ASIC2: variants seen among roughly 807,000 people sequenced by gnomAD.
ASIC2 encodes the protein acid-sensing ion channel 2.
ASIC2 carries 25 observed loss-of-function variants against 57.3 expected under a neutral mutation model. That is an observed-to-expected ratio of 0.44 (90% confidence interval 0.32 to 0.61). The LOEUF is 0.61. Ranked by LOEUF, ASIC2 falls within the 20% of genes least tolerant of loss-of-function variation. The probability of loss-of-function intolerance (pLI) is 0.06; values close to 1 mark genes in which losing one functional copy is unlikely to be tolerated. For synonymous variants in ASIC2, 319 were observed against 307.5 expected (o/e 1.04, Z -0.39); for missense variants, 641 against 738.1 (o/e 0.87, Z 1.52).
intron 1 of ASIC2, among the ~76,000 whole-genome samples, chr17:33,274,763 T>G (rs774618550): frequency 1.7e-4 from 26 of 152,198 alleles, no homozygotes; most frequent in Non-Finnish European, 3.4e-4. Context: ...TCCTGACTTA[T>G]GATCTCCCTT....
intron 1 of ASIC2, among the ~76,000 whole-genome samples, chr17:33,252,666 T>C (rs977699625): frequency 6.6e-6 from 1 of 152,064 alleles, no homozygotes; most frequent in Admixed American, 6.6e-5. Flanking sequence ...GTTCTTGAAC[T>C]ACCTGATCTC....
At chr17:33,379,110 C>T (rs1183697778) in intron 1 of ASIC2, among the ~76,000 whole-genome samples, 1 of 152,144 alleles carries the variant, frequency 6.6e-6, no homozygotes, top group African/African-American at 2.4e-5. Context: ...CAGTTAGTGA[C>T]TGGAGCAGAG....
In ASIC2 at chr17:33,218,519, T is replaced by C. The variant is rs539245902; in HGVS notation, c.708+72889A>G. On this transcript the variant is annotated intron_variant, in intron 1 of 9. Transcript: ENST00000225823. ...TAACTCCTGCCTTGAAGGACTGCAATAGAGATGCAGAAGAGAATATGCCAA... is the reference window on the plus strand; with the variant it reads ...TAACTCCTGCCTTGAAGGACTGCAACAGAGATGCAGAAGAGAATATGCCAA... 5.9e-5 allele frequency among the ~76,000 whole-genome samples: 9 copies of C among 151,890 alleles called. 1 individual carries two copies. Among genetic ancestry groups the C allele is most frequent in the African/African-American group, 2.2e-4 (9 of 41,390 alleles).
At chr17:33,599,293 AAC>A (rs1386422419) in intron 1 of ASIC2, among the ~76,000 whole-genome samples, 3 of 152,186 alleles carry the variant, frequency 2.0e-5, no homozygotes, top group African/African-American at 7.2e-5. Context: ...TCTTGCCCTC[AAC>A]ACACAACCCT....
intron 1 of ASIC2, among the ~76,000 whole-genome samples, chr17:33,452,324 A>G (rs1310112241): frequency 6.6e-6 from 1 of 152,228 alleles, no homozygotes; most frequent in Non-Finnish European, 1.5e-5. Context: ...TGGGTATGGT[A>G]ATATCTATCT....
At chr17:34,120,883 C>T (rs573287340) in intron 1 of ASIC2, among the ~76,000 whole-genome samples, 51 of 151,164 alleles carry the variant, frequency 3.4e-4, no homozygotes, top group African/African-American at 4.9e-4. Context: ...AGATTATAGG[C>T]GCCTGCCACC....
rs71286247 is a variant in ASIC2, at chr17:34,096,856, CAAAAAAAAAAAAAAA to C, written c.555+59107_555+59121del. ...TGGGTGACAGGGTGAGACTCCATCT[CAAAAAAAAAAAAAAA>C]AAAAAAAAAAAAAAGTAGATAGGAC... On this transcript the variant is annotated intron_variant, in intron 1 of 9. Coordinates refer to the ASIC2 transcript ENST00000359872. Among the ~76,000 whole-genome samples, 27 of 30,120 alleles carry C rather than the reference CAAAAAAAAAAAAAAA, an allele frequency of 9.0e-4. 1 individual carries two copies. The Admixed American group carries it at 0.016, about 17-fold the overall frequency. 19.8% of individuals were successfully genotyped at this position (30,120 alleles called of 152,430 possible). A position where few individuals can be genotyped will look rare whatever the true frequency, so the allele number is the denominator to read the frequency against.
intron 1 of ASIC2, among the ~76,000 whole-genome samples, chr17:33,915,577 T>G (rs1172417445): frequency 6.6e-6 from 1 of 152,214 alleles, no homozygotes; most frequent in Non-Finnish European, 1.5e-5. Flanking sequence ...TTTTCTCAAA[T>G]GAGCATCTAT....
chr17:33,407,349 A>C (rs1910507813), intron 1 of ASIC2, among the ~76,000 whole-genome samples: 1 of 152,230 alleles, frequency 6.6e-6, no homozygotes, highest in Non-Finnish European at 1.5e-5. Flanking sequence ...TAAATCTCTC[A>C]GAACTGTACT....
chr17:33,356,542 A>T (rs907950676), intron 1 of ASIC2, among the ~76,000 whole-genome samples: 1 of 152,140 alleles, frequency 6.6e-6, no homozygotes, highest in Admixed American at 6.5e-5. Flanking sequence ...GGTCTCCACC[A>T]TAATTACTAT....
intron 1 of ASIC2, among the ~76,000 whole-genome samples, chr17:33,268,793 C>CA (rs1284959266): frequency 2.6e-5 from 4 of 152,172 alleles, no homozygotes; most frequent in Non-Finnish European, 1.5e-5. Flanking sequence ...GATGGGGAAA[C>CA]TGAAGCTCAG....
chr17:33,380,770 G>A (rs1909459853), intron 1 of ASIC2, among the ~76,000 whole-genome samples: 1 of 152,176 alleles, frequency 6.6e-6, no homozygotes, highest in Admixed American at 6.5e-5. Flanking sequence ...TTTTTAAAAG[G>A]CGGAGGTTCC....
At chr17:33,707,796 C>T (rs1175219513) in intron 1 of ASIC2, among the ~76,000 whole-genome samples, 1 of 152,190 alleles carries the variant, frequency 6.6e-6, no homozygotes, top group Non-Finnish European at 1.5e-5. Flanking sequence ...TAAGCAGCTT[C>T]ATGGGCATGC....
At chr17:33,408,669 A>T (rs1294798333) in intron 1 of ASIC2, among the ~76,000 whole-genome samples, 3 of 152,226 alleles carry the variant, frequency 2.0e-5, no homozygotes, top group African/African-American at 7.2e-5. Flanking sequence ...TCCCTGGATG[A>T]AAATTCATGA....
chr17:33,244,639 A>G (rs1908627286), intron 1 of ASIC2, among the ~76,000 whole-genome samples: 1 of 152,216 alleles, frequency 6.6e-6, no homozygotes, highest in African/African-American at 2.4e-5. Context: ...GTCATTCCCT[A>G]AGAGTGGCTT....
intron 1 of ASIC2, among the ~76,000 whole-genome samples, chr17:33,220,021 A>C (rs1336986661): frequency 1.3e-5 from 2 of 152,216 alleles, no homozygotes; most frequent in African/African-American, 4.8e-5. Context: ...GCATTTAAAA[A>C]ATTACTGTCA....
At chr17:33,981,323 G>A (rs1905614325) in intron 1 of ASIC2, among the ~76,000 whole-genome samples, 1 of 152,160 alleles carries the variant, frequency 6.6e-6, no homozygotes, top group East Asian at 1.9e-4. Context: ...CTCCTTCCTG[G>A]GGACCCAGTC....
At chr17:33,752,673 T>C (rs1187112409) in intron 1 of ASIC2, among the ~76,000 whole-genome samples, 1 of 152,208 alleles carries the variant, frequency 6.6e-6, no homozygotes, top group Non-Finnish European at 1.5e-5. Flanking sequence ...TGGGTCTACA[T>C]AGATGGCAGA....
chr17:33,668,284 T>TC (rs1907543012), intron 1 of ASIC2, among the ~76,000 whole-genome samples: 1 of 141,930 alleles, frequency 7.0e-6, no homozygotes, highest in African/African-American at 2.9e-5. Flanking sequence ...TTTTTTTTTT[T>TC]TTTTTTTTTT....
Sources: allele counts gnomAD v4.1 joint callset (sites outside exome capture counted in the v4.1 genomes callset), GRCh38; gene constraint gnomAD v4.1.1; transcripts MANE v1.5; gene names NCBI Gene and HGNC (gene_info 2026-07-23, HGNC 2026-07-21).